The following AMPD3 variants were observed in gnomAD, a reference collection of about 807,000 sequenced individuals.
The protein encoded by AMPD3 is adenosine monophosphate deaminase 3.
AMPD3 carries 57 observed loss-of-function variants against 82.3 expected under a neutral mutation model. That is an observed-to-expected ratio of 0.69 (90% CI 0.56 to 0.86). The LOEUF is 0.86. Ranked by LOEUF, AMPD3 falls within the 40% of genes least tolerant of loss-of-function variation. AMPD3 has a pLI of 0.00. For missense variants in AMPD3, 870 were observed against 1,003.8 expected (o/e 0.87, Z 1.80); for synonymous variants, 381 against 394.7 (o/e 0.97, Z 0.41).
At position 10,468,886 on chromosome 11, in the gene AMPD3, A is replaced by G. The variant is rs190357487; in HGVS notation, c.221+7146A>G. On this transcript the variant is annotated intron_variant, in intron 2 of 14. Coordinates refer to ENST00000396553, the MANE Select transcript of AMPD3 (RefSeq NM_001025389.2). ...TGGAAACTGAAAAATCTGCTCCTGA[A>G]TGACTACTGGGTAAATAAGGAAATG... Among the ~76,000 whole-genome samples, 620 of 152,338 alleles carry G rather than the reference A, an allele frequency of 4.1e-3. 5 individuals carry two copies. The highest frequency in any genetic ancestry group is 0.014 in the African/African-American group (596 of 41,570).
chr11:10,504,728 C>T (rs1849670724), intron 14 of AMPD3, 69 bp downstream of exon 14: 1 of 1,405,924 alleles, frequency 7.1e-7, no homozygotes, highest in African/African-American at 1.4e-5. Flanking sequence ...AGGAGCCTTC[C>T]AGGCACTGGG....
At chr11:10,452,125 G>A (rs1242072938), upstream of AMPD3, among the ~76,000 whole-genome samples, 1 of 152,054 alleles carries the variant, frequency 6.6e-6, no homozygotes, top group East Asian at 1.9e-4. Context: ...GTCTTCTAAG[G>A]TTCTCCTAGC....
chr11:10,465,429 A>T (rs1466745309), intron 2 of AMPD3, among the ~76,000 whole-genome samples: 1 of 152,240 alleles, frequency 6.6e-6, no homozygotes, highest in Non-Finnish European at 1.5e-5. Context: ...GGCTGGCAAG[A>T]TGGCCAATTA....
chr11:10,484,597 T>C (rs1214519428), intron 4 of AMPD3: 2 of 794,710 alleles, frequency 2.5e-6, no homozygotes, highest in Non-Finnish European at 3.0e-6. Flanking sequence ...GAGTTTCTAT[T>C]GGAGTGGAGA....
At chr11:10,499,827 A>G (rs1450016621) in intron 10 of AMPD3, 3 of 985,190 alleles carry the variant, frequency 3.0e-6, no homozygotes, top group Non-Finnish European at 3.6e-6. Flanking sequence ...TGTCACCACC[A>G]CCACACAGGG....
chr11:10,501,349 G>A lies in AMPD3; in HGVS notation c.1722-121G>A, dbSNP rs1169674121. The A allele has an allele frequency of 2.7e-6, 4 of 1,502,672 alleles. No individual in the cohort carries two copies. In the East Asian group the frequency reaches 7.3e-5, roughly 27 times the overall value. 93.1% of individuals were successfully genotyped at this position (1,502,672 alleles called of 1,614,324 possible). ...AGGGGTAGTTTCCAGGGTGCACTGGGTCAGCACAGCTGACCATGGGTGGTC... is the reference window on the plus strand; with the variant it reads ...AGGGGTAGTTTCCAGGGTGCACTGGATCAGCACAGCTGACCATGGGTGGTC... On this transcript the variant is annotated intron_variant, in intron 11 of 14. Coordinates refer to ENST00000396553, the MANE Select transcript of AMPD3 (RefSeq NM_001025389.2).
At chr11:10,473,363 G>T in intron 2 of AMPD3, 2 of 983,574 alleles carry the variant, frequency 2.0e-6, no homozygotes, top group Non-Finnish European at 2.4e-6. Flanking sequence ...TCATCTCCAG[G>T]TCTTTAGGGA....
At chr11:10,455,169 A>G (rs1196394229), upstream of AMPD3, 2 of 985,268 alleles carry the variant, frequency 2.0e-6, no homozygotes, top group African/African-American at 3.5e-5. Context: ...TTTCAACAGC[A>G]CCACAGAAAT....
chr11:10,462,880 C>T (rs1039932490), intron 2 of AMPD3, among the ~76,000 whole-genome samples: 21 of 152,116 alleles, frequency 1.4e-4, no homozygotes, highest in African/African-American at 4.1e-4. Flanking sequence ...AGGGCAAAGG[C>T]CCCCCAGTTT....
chr11:10,501,667 C>T, intron 12 of AMPD3, 77 bp downstream of exon 12: 1 of 1,612,230 alleles, frequency 6.2e-7, no homozygotes, highest in South Asian at 1.1e-5. Context: ...ACCAGTGAGG[C>T]CAGAAGGCTG....
At chr11:10,504,258 A>C (rs1476117104) in intron 13 of AMPD3, 4 of 983,038 alleles carry the variant, frequency 4.1e-6, no homozygotes, top group Non-Finnish European at 3.6e-6. Context: ...GGCTTGTCAC[A>C]GGAGAGCAGA....
chr11:10,501,767 T>G, intron 12 of AMPD3, 177 bp downstream of exon 12: 3 of 985,252 alleles, frequency 3.0e-6, no homozygotes, highest in Non-Finnish European at 3.6e-6. Flanking sequence ...CAATTTTGAT[T>G]TTCCAAAAAC....
chr11:10,450,544 T>G, upstream of AMPD3: 2 of 986,122 alleles, frequency 2.0e-6, no homozygotes, highest in Non-Finnish European at 2.4e-6. Flanking sequence ...GGGAGCGGTG[T>G]GGAAGCCCGG....
chr11:10,461,832 G>A (rs1848280108), intron 2 of AMPD3, 92 bp downstream of exon 2: 1 of 1,197,022 alleles, frequency 8.4e-7, no homozygotes, highest in East Asian at 2.5e-5. Context: ...CACCTCATGG[G>A]GACTGGTATG....
In AMPD3 at chr11:10,495,007, G is replaced by C; in HGVS notation, c.1243G>C (p.Glu415Gln). 2 of 1,614,224 alleles carry C rather than the reference G, an allele frequency of 1.2e-6. No homozygotes were observed. Among genetic ancestry groups the C allele is most frequent in the Non-Finnish European group, 1.7e-6 (2 of 1,180,034 alleles). ...GAAAACTGAAAACTATCTGGGAGGA[G>C]AGTACTTTGCTCGGATGGTCAAGGT... ...YLKTENYLGG[E>Q]YFARMVKEVA... Residue 415 changes from glutamate to glutamine, a missense_variant, in exon 8 of 15, where the codon GAG becomes CAG. Transcript: ENST00000396553.
chr11:10,455,788 C>G (rs1848074848), intron 1 of AMPD3: 2 of 415,170 alleles, frequency 4.8e-6, no homozygotes, highest in Non-Finnish European at 6.5e-6. Context: ...TGAAGCTCCC[C>G]CTGGCAGTTA....
At chr11:10,484,179 A>G (rs1848996679) in intron 4 of AMPD3, 1 of 920,356 alleles carries the variant, frequency 1.1e-6, no homozygotes, top group Non-Finnish European at 1.3e-6. Flanking sequence ...TGAAAGTCTC[A>G]CAGCAGGGAA....
upstream of AMPD3, among the ~76,000 whole-genome samples, chr11:10,454,525 G>T (rs1848039441): frequency 6.6e-6 from 1 of 152,208 alleles, no homozygotes; most frequent in Non-Finnish European, 1.5e-5. Context: ...CTTCTCAGGT[G>T]TTGAATTTGC....
At chr11:10,492,626 G>A (rs1849269802) in intron 6 of AMPD3, among the ~76,000 whole-genome samples, 1 of 152,194 alleles carries the variant, frequency 6.6e-6, no homozygotes, top group Non-Finnish European at 1.5e-5. Context: ...ACTAGGCTCT[G>A]GGGTAGGTGC....
Sources: allele counts gnomAD v4.1 joint callset (sites outside exome capture counted in the v4.1 genomes callset), GRCh38; gene constraint gnomAD v4.1.1; transcripts MANE v1.5; gene names NCBI Gene and HGNC (gene_info 2026-07-23, HGNC 2026-07-21).